The following PDE4B variants were observed in gnomAD, a reference collection of about 807,000 sequenced individuals.
PDE4B encodes phosphodiesterase 4B.
Under a neutral mutation model 82.2 loss-of-function variants are expected in PDE4B, and 20 were observed. The observed-to-expected ratio is 0.24, with a 90% CI of 0.17 to 0.35. PDE4B has a LOEUF of 0.35. Among genes scored for constraint, PDE4B ranks in the 10% least tolerant of loss-of-function variants. PDE4B has a pLI of 1.00. For missense variants in PDE4B, 655 were observed against 907.2 expected, an observed-to-expected ratio of 0.72 and a Z score of 3.57; for synonymous variants, 320 against 318.9, an observed-to-expected ratio of 1.00 and a Z score of -0.04.
At position 66,372,808 on chromosome 1, in the gene PDE4B, T is replaced by C. The variant is rs951024390; in HGVS notation, c.*130T>C. The C allele has an allele frequency of 1.3e-5, 12 of 893,696 alleles. No homozygotes were observed. The Admixed American group carries it at 2.5e-4, about 19-fold the overall frequency. The allele number at this position is 893,696 out of a possible 1,614,324, so 55.4% of individuals were successfully genotyped here. A position where few individuals can be genotyped will look rare whatever the true frequency, so the allele number is the denominator to read the frequency against. ...CACCTGGCCTTTCAGTTACTTGAGT[T>C]TGGAGTCAGAAAGCAAGACCAGGAA... On this transcript the variant is annotated 3_prime_UTR_variant, in exon 17 of 17. Coordinates refer to ENST00000341517, the MANE Select transcript of PDE4B (RefSeq NM_002600.4).
intron 3 of PDE4B, among the ~76,000 whole-genome samples, chr1:66,106,152 A>C (rs370157657): frequency 6.6e-6 from 1 of 152,026 alleles, no homozygotes; most frequent in African/African-American, 2.4e-5. Flanking sequence ...AGCATGAAGC[A>C]TTGTTGAATT....
At chr1:66,119,930 G>T (rs115658271) in intron 3 of PDE4B, among the ~76,000 whole-genome samples, 1 of 152,104 alleles carries the variant, frequency 6.6e-6, no homozygotes, top group Admixed American at 6.5e-5. Flanking sequence ...GAATCTCTGA[G>T]GTGAGGCTAC....
chr1:66,204,967 T>A (rs981699768), intron 3 of PDE4B, among the ~76,000 whole-genome samples: 1 of 152,162 alleles, frequency 6.6e-6, no homozygotes, highest in Non-Finnish European at 1.5e-5. Context: ...ACTGGAGCTA[T>A]TCCTATTCGG....
At chr1:66,140,970 G>A (rs766716258) in intron 3 of PDE4B, among the ~76,000 whole-genome samples, 74 of 152,048 alleles carry the variant, frequency 4.9e-4, no homozygotes, top group Non-Finnish European at 5.1e-4. Flanking sequence ...TAACATTTTA[G>A]GTCTCTGTCT....
intron 4 of PDE4B, among the ~76,000 whole-genome samples, chr1:66,251,544 G>C (rs1028587682): frequency 2.0e-5 from 3 of 152,054 alleles, no homozygotes; most frequent in African/African-American, 7.2e-5. Context: ...TGTCTTCAAG[G>C]GTACGGAAAC....
intron 3 of PDE4B, among the ~76,000 whole-genome samples, chr1:66,032,538 A>T (rs752383090): frequency 6.6e-5 from 10 of 152,176 alleles, no homozygotes; most frequent in Admixed American, 3.3e-4. Flanking sequence ...CACGTAAAAT[A>T]GTTTCACAAG....
intron 4 of PDE4B, among the ~76,000 whole-genome samples, chr1:66,254,132 A>G (rs1240477550): frequency 6.6e-6 from 1 of 152,210 alleles, no homozygotes; most frequent in Non-Finnish European, 1.5e-5. Context: ...TTAAATCTAA[A>G]TCCGTTATCT....
chr1:65,988,120 GA>G (rs1651050437), intron 3 of PDE4B, among the ~76,000 whole-genome samples: 1 of 152,186 alleles, frequency 6.6e-6, no homozygotes, highest in Non-Finnish European at 1.5e-5. Flanking sequence ...ATATATTTAT[GA>G]GGATCAAATA....
intron 3 of PDE4B, among the ~76,000 whole-genome samples, chr1:66,097,771 A>G (rs1645145126): frequency 6.6e-6 from 1 of 150,910 alleles, no homozygotes; most frequent in African/African-American, 2.4e-5. Flanking sequence ...TAGTCTTTTA[A>G]TTTGTTTATT....
rs540397757 is a variant in PDE4B at position 66,093,848 on chromosome 1, G to A, written c.282-153612G>A. ...AAAAAAGCATAACACAACTTATGCC[G>A]CTCATATCATTAAGACAAATATGGA... On this transcript the variant is annotated intron_variant, in intron 3 of 16. Coordinates refer to ENST00000341517, the MANE Select transcript of PDE4B (RefSeq NM_002600.4). Among the ~76,000 whole-genome samples, 19 of 152,064 alleles carry A rather than the reference G, an allele frequency of 1.2e-4. No individual in the cohort carries two copies. The South Asian group carries it at 3.1e-3, about 25-fold the overall frequency.
At chr1:66,181,229 G>A (rs1266345352) in intron 3 of PDE4B, among the ~76,000 whole-genome samples, 1 of 152,172 alleles carries the variant, frequency 6.6e-6, no homozygotes, top group African/African-American at 2.4e-5. Flanking sequence ...CTAAATGAAT[G>A]GGAGAGGATG....
chr1:66,103,168 A>G (rs1434791438), intron 3 of PDE4B, among the ~76,000 whole-genome samples: 1 of 152,116 alleles, frequency 6.6e-6, no homozygotes, highest in Non-Finnish European at 1.5e-5. Flanking sequence ...AAGAATCACT[A>G]TGAGTCTTCA....
intron 8 of PDE4B, among the ~76,000 whole-genome samples, chr1:66,333,272 T>G (rs1001498002): frequency 6.6e-6 from 1 of 152,242 alleles, no homozygotes; most frequent in African/African-American, 2.4e-5. Context: ...TGGTTTTATT[T>G]ACAATCCCCA....
chr1:65,921,258 G>A (rs1018852726), intron 3 of PDE4B, among the ~76,000 whole-genome samples: 1 of 152,004 alleles, frequency 6.6e-6, no homozygotes, highest in Non-Finnish European at 1.5e-5. Context: ...GTGAGCCACC[G>A]CGCCCGGCCC....
At chr1:66,364,958 G>A (rs988997605) in intron 12 of PDE4B, among the ~76,000 whole-genome samples, 1 of 152,122 alleles carries the variant, frequency 6.6e-6, no homozygotes, top group East Asian at 1.9e-4. Flanking sequence ...AGAGGATGAG[G>A]AAAGACATTT....
chr1:65,874,920 C>T (rs1416132573), intron 1 of PDE4B, among the ~76,000 whole-genome samples: 5 of 152,072 alleles, frequency 3.3e-5, no homozygotes, highest in East Asian at 1.9e-4. Flanking sequence ...ACACCAAAAG[C>T]AATGGCAACA....
intron 3 of PDE4B, among the ~76,000 whole-genome samples, chr1:66,119,228 T>G (rs1055466240): frequency 3.5e-4 from 54 of 152,204 alleles, no homozygotes; most frequent in Admixed American, 9.2e-4. Flanking sequence ...GAAGTTCATT[T>G]TGAGAGATGC....
intron 3 of PDE4B, among the ~76,000 whole-genome samples, chr1:65,974,772 G>A (rs559386608): frequency 5.3e-5 from 8 of 152,198 alleles, no homozygotes; most frequent in Admixed American, 2.0e-4. Context: ...AGTATGATGC[G>A]CTTGCTTCCC....
intron 3 of PDE4B, among the ~76,000 whole-genome samples, chr1:66,247,202 A>G (rs1056899514): frequency 3.3e-5 from 5 of 152,164 alleles, no homozygotes; most frequent in African/African-American, 1.2e-4. Context: ...CTGGGTTCAA[A>G]TTCTGGCTCC....
Sources: allele counts gnomAD v4.1 joint callset (sites outside exome capture counted in the v4.1 genomes callset), GRCh38; gene constraint gnomAD v4.1.1; transcripts MANE v1.5; gene names NCBI Gene and HGNC (gene_info 2026-07-23, HGNC 2026-07-21).